The following ITSN1 variants were observed in gnomAD, a reference collection of about 807,000 sequenced individuals.
The protein encoded by ITSN1 is intersectin-1.
In ITSN1, 58 loss-of-function variants were observed where a neutral mutation model predicts 239.8. That is an observed-to-expected ratio of 0.24 (90% CI 0.20 to 0.30). ITSN1 has a LOEUF of 0.30. Among genes scored for constraint, ITSN1 ranks in the 10% least tolerant of loss-of-function variants. The pLI is 1.00. For missense variants in ITSN1, 1,558 were observed against 2,103.3 expected (o/e 0.74, Z 5.07); for synonymous variants, 780 against 770.8 (o/e 1.01, Z -0.20).
At chr21:33,722,729 G>C in intron 4 of ITSN1, 78 bp downstream of exon 4, 1 of 1,331,276 alleles carries the variant, frequency 7.5e-7, no homozygotes, top group Non-Finnish European at 1.0e-6. Flanking sequence ...TTGGTAATAT[G>C]ATTTCTTATG....
intron 4 of ITSN1, among the ~76,000 whole-genome samples, chr21:33,725,420 C>T (rs936130885): frequency 1.4e-4 from 22 of 152,000 alleles, no homozygotes; most frequent in African/African-American, 5.3e-4. Flanking sequence ...AGGCGTGAGT[C>T]ACTGTGCCCG....
chr21:33,722,682 T>C (rs780167385), intron 4 of ITSN1, 31 bp downstream of exon 4: 1 of 1,547,104 alleles, frequency 6.5e-7, no homozygotes, highest in South Asian at 1.2e-5. Context: ...AAATTTTACA[T>C]AAGCATAAGG....
intron 21 of ITSN1, 91 bp from the exon 22 acceptor site, chr21:33,813,822 G>GC: frequency 1.0e-6 from 1 of 973,666 alleles, no homozygotes; most frequent in Admixed American, 2.7e-5. Flanking sequence ...GGGAGTGCTT[G>GC]CTTTTTTTTT....
chr21:33,765,970 T>G lies in ITSN1; in HGVS notation c.884T>G (p.Leu295Arg). The change falls in exon 10 of 40, where the codon CTG becomes CGG. Residue 295 changes from leucine (L) to arginine (R), a missense_variant. By Grantham distance (102) the Leu-to-Arg change is moderately radical (BLOSUM62 -2). Around this residue, in one of 2 missense-constraint regions of ITSN1, gnomAD observed 982 missense variants for 1,209.9 expected, o/e 0.81. Coordinates refer to ENST00000381318, the MANE Select transcript of ITSN1 (RefSeq NM_003024.3). ...GATGTAGCTATGTCTGGCCAACCAC[T>G]GCCACCTGTCCTGCCTCCAGAATAC... Reference protein sequence around the residue: ...LIDVAMSGQPLPPVLPPEYIP... With the variant: ...LIDVAMSGQPRPPVLPPEYIP... 6.2e-7 allele frequency: 1 copy of G among 1,614,190 alleles called. No individual in the cohort carries two copies. The highest frequency in any genetic ancestry group is 8.5e-7 in the Non-Finnish European group (1 of 1,180,024).
At chr21:33,644,536 G>T (rs558425960) in intron 1 of ITSN1, among the ~76,000 whole-genome samples, 1 of 152,208 alleles carries the variant, frequency 6.6e-6, no homozygotes, top group East Asian at 1.9e-4. Context: ...GAGAGGAAAT[G>T]AACAAATTTT....
Position 33,874,868 on chromosome 21 carries a change from C to T in ITSN1, c.4174-486C>T, listed in dbSNP as rs531412487. 1.2e-4 allele frequency among the ~76,000 whole-genome samples: 19 copies of T among 152,214 alleles called. No individual in the cohort carries two copies. The South Asian group carries it at 3.9e-3, about 32-fold the overall frequency. ...TTCACCATGTTGGCCAGGATGGTCT[C>T]GATCTCTTGACCTTGTGATCTGCCC... On this transcript the variant is annotated intron_variant, in intron 33 of 39. Coordinates refer to ENST00000381318, the MANE Select transcript of ITSN1 (RefSeq NM_003024.3).
At chr21:33,818,020 A>T in intron 22 of ITSN1, 1 of 512,548 alleles carries the variant, frequency 2.0e-6, no homozygotes, top group Non-Finnish European at 3.4e-6. Context: ...TTTGAAATAG[A>T]GAGTTCTAGA....
chr21:33,809,523 A>T (rs1216685726), intron 20 of ITSN1, among the ~76,000 whole-genome samples: 1 of 152,194 alleles, frequency 6.6e-6, no homozygotes, highest in East Asian at 1.9e-4. Flanking sequence ...GTACATACAG[A>T]TAGATGTTTG....
At chr21:33,666,921 G>GCCTCCCAA (rs2089967851) in intron 1 of ITSN1, among the ~76,000 whole-genome samples, 1 of 152,166 alleles carries the variant, frequency 6.6e-6, no homozygotes, top group African/African-American at 2.4e-5. Context: ...CTGCCTCTCA[G>GCCTCCCAA]CCTCCCAACT....
chr21:33,779,380 T>G (rs1232583163), intron 14 of ITSN1, among the ~76,000 whole-genome samples: 1 of 152,254 alleles, frequency 6.6e-6, no homozygotes, highest in Non-Finnish European at 1.5e-5. Context: ...ATTTTCATAT[T>G]TATTCAATTC....
intron 34 of ITSN1, among the ~76,000 whole-genome samples, chr21:33,875,932 G>A (rs1316850173): frequency 6.6e-6 from 1 of 152,202 alleles, no homozygotes; most frequent in South Asian, 2.1e-4. Context: ...TGCCCACCTC[G>A]GCCTCCCAAA....
Position 33,758,404 on chromosome 21 carries a change from C to T in ITSN1, c.724+3007C>T, listed in dbSNP as rs549861308. Reference sequence around the variant, plus strand: ...TGGTGGGATTATAGGCGTGAGCCACCGCGTCTGGCCTTAATAGTGGCACTG... The same window carrying T: ...TGGTGGGATTATAGGCGTGAGCCACTGCGTCTGGCCTTAATAGTGGCACTG... On this transcript the variant is annotated intron_variant, in intron 8 of 39. Coordinates refer to ENST00000381318, the MANE Select transcript of ITSN1 (RefSeq NM_003024.3). Among the ~76,000 whole-genome samples, 18 of 152,296 alleles carry T rather than the reference C, an allele frequency of 1.2e-4. No individual in the cohort carries two copies. The South Asian group carries it at 2.7e-3, about 23-fold the overall frequency.
At chr21:33,720,098 C>T (rs2147079498) in intron 2 of ITSN1, among the ~76,000 whole-genome samples, 1 of 152,280 alleles carries the variant, frequency 6.6e-6, no homozygotes, top group East Asian at 1.9e-4. Context: ...TTTATAGTTA[C>T]AGGGATGAAT....
intron 1 of ITSN1, among the ~76,000 whole-genome samples, chr21:33,659,924 GTC>G (rs1372880648): frequency 6.6e-6 from 1 of 151,732 alleles, no homozygotes; most frequent in Admixed American, 6.6e-5. Flanking sequence ...GATCTCACTG[GTC>G]TCAAACTCCT....
intron 1 of ITSN1, among the ~76,000 whole-genome samples, chr21:33,699,677 C>T (rs940681109): frequency 6.6e-6 from 1 of 152,178 alleles, no homozygotes; most frequent in African/African-American, 2.4e-5. Context: ...TGAGATTGTG[C>T]CACTGCTTTC....
rs1476709631 is a variant in ITSN1, at chr21:33,818,253, T to G, written c.2728-14T>G. 1 of 1,612,410 alleles carries G rather than the reference T, an allele frequency of 6.2e-7. No homozygotes were observed. ...GCAACATAACGAGAGGTCCTTTATG[T>G]TATTCCACACAAGGGTGAAAAGGTG... is the stretch of plus-strand genomic sequence containing the variant. On this transcript the variant is annotated splice_polypyrimidine_tract_variant and intron_variant, in intron 22 of 39. Coordinates refer to ENST00000381318, the MANE Select transcript of ITSN1 (RefSeq NM_003024.3).
At chr21:33,845,622 G>A (rs980354111) in intron 29 of ITSN1, among the ~76,000 whole-genome samples, 1 of 151,924 alleles carries the variant, frequency 6.6e-6, no homozygotes, top group Admixed American at 6.6e-5. Context: ...CGGCTCAGTC[G>A]TCACCTCCTC....
rs148649088 is a variant in ITSN1 at position 33,682,072 on chromosome 21, TA to T, written c.-32-36715del. On this transcript the variant is annotated intron_variant, in intron 1 of 39. Transcript: ENST00000381318. Reference sequence around the variant, plus strand: ...TTGCCATACCAAAAGATTATGTGCTTAAAAAAAAAACTACATACTAATTACA... The same window carrying T: ...TTGCCATACCAAAAGATTATGTGCTTAAAAAAAAACTACATACTAATTACA... Among the ~76,000 whole-genome samples the T allele has an allele frequency of 7.3e-3, 1,081 of 148,696 alleles. 44 individuals carry two copies. The highest frequency in any genetic ancestry group is 0.057 in the Admixed American group (862 of 15,000).
Position 33,882,502 on chromosome 21 carries a change from G to A in ITSN1, c.4554+47G>A. On this transcript the variant is annotated intron_variant, in intron 35 of 39. Coordinates refer to ENST00000381318, the MANE Select transcript of ITSN1 (RefSeq NM_003024.3). The surrounding 1 kb of genome is among the most constrained non-coding windows in gnomAD (Gnocchi z 4.5). ...GCATTATCAGGGTTGACGTGTTTGGGGAGGAAGAAGTTTCCAAAAAGGAGG... is the reference window on the plus strand; with the variant it reads ...GCATTATCAGGGTTGACGTGTTTGGAGAGGAAGAAGTTTCCAAAAAGGAGG... 1 of 1,537,636 alleles carries A rather than the reference G, an allele frequency of 6.5e-7. No individual in the cohort carries two copies. Among genetic ancestry groups the A allele is most frequent in the African/African-American group, 1.4e-5 (1 of 72,882 alleles).
Sources: allele counts gnomAD v4.1 joint callset (sites outside exome capture counted in the v4.1 genomes callset), GRCh38; gene constraint gnomAD v4.1.1; regional missense constraint gnomAD v4.1.1; non-coding constraint Gnocchi (gnomAD v3.1); transcripts MANE v1.5; gene names NCBI Gene and HGNC (gene_info 2026-07-23, HGNC 2026-07-21).